Variants in AADACL2 observed in about 807,000 individuals in gnomAD.
AADACL2 encodes the protein arylacetamide deacetylase like 2, also known as arylacetamide deacetylase-like 2.
AADACL2 carries 23 observed loss-of-function variants against 22.3 expected under a neutral mutation model. That is an observed-to-expected ratio of 1.03 (90% CI 0.74 to 1.46). AADACL2 has a LOEUF of 1.46. AADACL2 is among the 40% of genes most tolerant of loss of function. AADACL2 has a pLI of 0.00. For missense variants in AADACL2, 472 were observed against 482.9 expected (o/e 0.98, Z 0.21); for synonymous variants, 177 against 166.2 (o/e 1.07, Z -0.50).
At chr3:151,736,236 T>C (rs1713082060) in intron 1 of AADACL2, among the ~76,000 whole-genome samples, 2 of 151,944 alleles carry the variant, frequency 1.3e-5, no homozygotes, top group Middle Eastern at 3.4e-3. Flanking sequence ...GGGTTTTGAA[T>C]AGGACAGCTC....
Position 151,755,757 on chromosome 3 carries a change from C to A in AADACL2, c.604-1235C>A, listed in dbSNP as rs538802645. 2.0e-5 allele frequency among the ~76,000 whole-genome samples: 3 copies of A among 152,204 alleles called. No individual in the cohort carries two copies. In the East Asian group the frequency reaches 5.8e-4, roughly 29 times the overall value. On this transcript the variant is annotated intron_variant, in intron 4 of 4. Transcript: ENST00000356517. ...AGGGTCAGGCAAGGTTATTGATGGA[C>A]ACTTTTTGACCTGTCCCTGTTTATG...
At position 151,757,754 on chromosome 3, in the gene AADACL2, C is replaced by A; in HGVS notation, c.*160C>A. 1 of 767,600 alleles carries A rather than the reference C, an allele frequency of 1.3e-6. No homozygotes were observed. Among genetic ancestry groups the A allele is most frequent in the Non-Finnish European group, 2.0e-6 (1 of 510,404 alleles). The allele number at this position is 767,600 out of a possible 1,614,324, so 47.5% of individuals were successfully genotyped here. A position where few individuals can be genotyped will look rare whatever the true frequency, so the allele number is the denominator to read the frequency against. ...CTTGAAGAGTTATTAAATTTTCTGA[C>A]TTGCAGACCCTGAATATGTAAAATG... On this transcript the variant is annotated 3_prime_UTR_variant, in exon 5 of 5. Transcript: ENST00000356517.
chr3:151,759,656 A>T lies in AADACL2; in HGVS notation c.*2062A>T, dbSNP rs1031478146. 1 of 152,252 alleles carries T rather than the reference A, an allele frequency of 6.6e-6. No homozygotes were observed. The highest frequency in any genetic ancestry group is 1.5e-5 in the Non-Finnish European group (1 of 68,058). 9.4% of individuals were successfully genotyped at this position (152,252 alleles called of 1,614,324 possible). On this transcript the variant is annotated 3_prime_UTR_variant, in exon 5 of 5. Coordinates refer to ENST00000356517, the MANE Select transcript of AADACL2 (RefSeq NM_207365.4). ...GTAGAAATGTATGCTAAGGTAGGCC[A>T]GTCAATCCTTTTTTATTTATTTTGT...
rs376891484 is a variant in AADACL2 at position 151,744,127 on chromosome 3, G to A, written c.396G>A (p.Thr132=). The part of the protein sequence containing the change: ...QRAFDFLNRW[T]ANTLDAVVVG... ...CTTTTGACTTCCTGAATAGATGGAC[G>A]GCAAACACGCTTGATGCTGTTGTTG... The change falls in exon 3 of 5, where the codon ACG becomes ACA. Residue 132 remains threonine, a synonymous_variant. Transcript: ENST00000356517. 2.0e-5 allele frequency: 32 copies of A among 1,613,618 alleles called. No homozygotes were observed. The highest frequency in any genetic ancestry group is 3.3e-4 in the Middle Eastern group (2 of 6,062).
chr3:151,745,093 T>G (rs1271870040), intron 3 of AADACL2, among the ~76,000 whole-genome samples: 1 of 152,154 alleles, frequency 6.6e-6, no homozygotes, highest in Non-Finnish European at 1.5e-5. Flanking sequence ...ATGTCCTTGA[T>G]AAAATAGGAC....
intron 2 of AADACL2, 133 bp from the exon 3 acceptor site, chr3:151,743,960 C>A: frequency 2.4e-6 from 2 of 844,562 alleles, no homozygotes; most frequent in Admixed American, 2.3e-5. Context: ...GGTCCATCTG[C>A]TTGGAAATGG....
rs1330429558 is a variant in AADACL2 at position 151,759,232 on chromosome 3, T to C, written c.*1638T>C. 2.0e-5 allele frequency: 3 copies of C among 152,138 alleles called. No homozygotes were observed. Among genetic ancestry groups the C allele is most frequent in the Non-Finnish European group, 4.4e-5 (3 of 67,986 alleles). The allele number at this position is 152,138 out of a possible 1,614,324, so 9.4% of individuals were successfully genotyped here. A position where few individuals can be genotyped will look rare whatever the true frequency, so the allele number is the denominator to read the frequency against. ...CTGTAAACTTGATATATTTTAAAATTTGTAATTTGTTTTTCATGATACTGA... is the reference window on the plus strand; with the variant it reads ...CTGTAAACTTGATATATTTTAAAATCTGTAATTTGTTTTTCATGATACTGA... On this transcript the variant is annotated 3_prime_UTR_variant, in exon 5 of 5. Coordinates refer to ENST00000356517, the MANE Select transcript of AADACL2 (RefSeq NM_207365.4).
chr3:151,740,615 ATATT>A, intron 1 of AADACL2, 27 bp from the exon 2 acceptor site: 1 of 1,413,946 alleles, frequency 7.1e-7, no homozygotes, highest in Non-Finnish European at 9.7e-7. Flanking sequence ...AAATATCTAA[ATATT>A]TAATTTTGTT....
chr3:151,757,522 T>C lies in AADACL2; in HGVS notation c.1134T>C (p.Thr378=), dbSNP rs747625827. 6.2e-7 allele frequency: 1 copy of C among 1,613,554 alleles called. No individual in the cohort carries two copies. Among genetic ancestry groups the C allele is most frequent in the Non-Finnish European group, 8.5e-7 (1 of 1,179,598 alleles). ...TTCATGGAGCTTTATCATTCATGAC[T>C]TCACCATTTTATTTACGTCTAGGTC... is the stretch of plus-strand genomic sequence containing the variant. ...DGIHGALSFM[T]SPFYLRLGLR... is the part of the protein sequence containing the mutation. Residue 378 remains threonine, a synonymous_variant, in exon 5 of 5, where the codon ACT becomes ACC. Transcript: ENST00000356517.
intron 2 of AADACL2, among the ~76,000 whole-genome samples, chr3:151,742,759 C>G (rs766933467): frequency 1.3e-5 from 2 of 152,174 alleles, no homozygotes; most frequent in African/African-American, 4.8e-5. Context: ...GAAAACTCAT[C>G]CCACCAGTTG....
intron 4 of AADACL2, among the ~76,000 whole-genome samples, chr3:151,750,568 T>C (rs945515340): frequency 1.3e-5 from 2 of 152,090 alleles, no homozygotes; most frequent in African/African-American, 2.4e-5. Context: ...AAAAAAAAGA[T>C]GAAACTAGTC....
intron 4 of AADACL2, among the ~76,000 whole-genome samples, chr3:151,748,049 C>A (rs1449185412): frequency 6.6e-6 from 1 of 152,104 alleles, no homozygotes; most frequent in East Asian, 1.9e-4. Flanking sequence ...AATATTTTCT[C>A]CTACTTTGTA....
intron 3 of AADACL2, among the ~76,000 whole-genome samples, chr3:151,745,213 C>T (rs936984530): frequency 2.0e-5 from 3 of 152,146 alleles, no homozygotes; most frequent in African/African-American, 7.2e-5. Context: ...GTAAGCTATA[C>T]ACCATCTCCA....
Position 151,736,623 on chromosome 3 carries a change from C to T in AADACL2, c.138+2450C>T, listed in dbSNP as rs143634929. ...GTTTGCTGAGAATGATGGCTTCCAG[C>T]TCCATCTATGTACCTGCAAAGGACA... On this transcript the variant is annotated intron_variant, in intron 1 of 4. Coordinates refer to ENST00000356517, the MANE Select transcript of AADACL2 (RefSeq NM_207365.4). Among the ~76,000 whole-genome samples the T allele has an allele frequency of 3.5e-3, 538 of 152,206 alleles. 2 individuals are homozygous for T. Among genetic ancestry groups the T allele is most frequent in the Non-Finnish European group, 3.8e-3 (256 of 68,000 alleles).
At chr3:151,747,229 C>T (rs1260991494) in intron 4 of AADACL2, among the ~76,000 whole-genome samples, 1 of 151,990 alleles carries the variant, frequency 6.6e-6, no homozygotes, top group East Asian at 1.9e-4. Flanking sequence ...ACATAGTTAC[C>T]ATTTATTTTT....
chr3:151,751,088 A>G (rs1191267077), intron 4 of AADACL2, among the ~76,000 whole-genome samples: 1 of 152,196 alleles, frequency 6.6e-6, no homozygotes, highest in East Asian at 1.9e-4. Flanking sequence ...TTGATTCCTT[A>G]GGACTCTTCC....
intron 1 of AADACL2, among the ~76,000 whole-genome samples, chr3:151,737,533 C>T (rs1713131451): frequency 6.6e-6 from 1 of 152,094 alleles, no homozygotes; most frequent in Non-Finnish European, 1.5e-5. Context: ...TTTTCTGTCT[C>T]GTTGATCTGT....
chr3:151,738,502 T>C (rs1291350570), intron 1 of AADACL2, among the ~76,000 whole-genome samples: 5 of 152,200 alleles, frequency 3.3e-5, no homozygotes, highest in Admixed American at 6.5e-5. Flanking sequence ...AGTATCTTAG[T>C]GGTGTTCTCT....
intron 4 of AADACL2, among the ~76,000 whole-genome samples, chr3:151,747,922 C>T (rs1438773000): frequency 1.3e-5 from 2 of 152,036 alleles, no homozygotes; most frequent in African/African-American, 4.8e-5. Context: ...GGTCCTTGTA[C>T]ATATGTCTAC....
Sources: gnomAD v4.1 joint callset for allele counts (sites outside exome capture counted in the v4.1 genomes callset) on GRCh38, gnomAD v4.1.1 for gene constraint, MANE v1.5 for transcripts, NCBI Gene and HGNC (gene_info 2026-07-23, HGNC 2026-07-21) for gene names.